The following MAF variants were observed in gnomAD, a reference collection of about 807,000 sequenced individuals.
MAF encodes the protein MAF bZIP transcription factor, also known as transcription factor Maf.
A neutral mutation model predicts 22.0 loss-of-function variants in MAF; 10 were observed. The observed-to-expected ratio is 0.45, with a 90% confidence interval of 0.28 to 0.77. The LOEUF (loss-of-function observed/expected upper bound fraction) is 0.77. MAF is among the 30% of genes least tolerant of loss of function. The pLI is 0.12. For synonymous variants in MAF, 337 were observed against 255.8 expected, an observed-to-expected ratio of 1.32 and a Z score of -3.03; for missense variants, 544 against 548.4, an observed-to-expected ratio of 0.99 and a Z score of 0.08.
the MAF span, among the ~76,000 whole-genome samples, chr16:79,428,953 G>T: frequency 5.3e-5 from 8 of 152,220 alleles, no homozygotes; most frequent in African/African-American, 1.9e-4. Flanking sequence ...TCCGGTGATG[G>T]ACAGGGCAAC....
chr16:79,383,836 T>C, the MAF span, among the ~76,000 whole-genome samples: 1 of 152,134 alleles, frequency 6.6e-6, no homozygotes, highest in Non-Finnish European at 1.5e-5. Flanking sequence ...AGCCTTATAG[T>C]TTAAAAGGAT....
chr16:79,321,645 CTTTTTTTTTTTTTTT>C, the MAF span, among the ~76,000 whole-genome samples: 90 of 86,974 alleles, frequency 1.0e-3, no homozygotes, highest in African/African-American at 3.4e-3. Context: ...TTTTCTTTTT[CTTTTTTTTTTTTTTT>C]TTTTTTTTGA....
chr16:79,240,486 GGAAAAAAAAAAAAAAAAAAA>G, the MAF span, among the ~76,000 whole-genome samples: 1 of 43,930 alleles, frequency 2.3e-5, no homozygotes, highest in African/African-American at 7.4e-5. Flanking sequence ...AAGCATCTCT[GGAAAAAAAAAAAAAAAAAAA>G]AAAAAAAAAA....
At chr16:79,283,281 AG>A in the MAF span, among the ~76,000 whole-genome samples, 1 of 152,210 alleles carries the variant, frequency 6.6e-6, no homozygotes, top group Non-Finnish European at 1.5e-5. Context: ...TTTCTAGAAA[AG>A]CACGCCATGT....
At chr16:79,264,779 C>T in the MAF span, among the ~76,000 whole-genome samples, 6 of 152,314 alleles carry the variant, frequency 3.9e-5, no homozygotes, top group South Asian at 1.2e-3. Context: ...CCACCTCACC[C>T]CACCAGTTTC....
the MAF span, among the ~76,000 whole-genome samples, chr16:79,217,986 T>TAAAAAAAAAAAAA: frequency 5.8e-5 from 3 of 52,124 alleles, no homozygotes; most frequent in Non-Finnish European, 9.8e-5. Context: ...GAAGCTTATG[T>TAAAAAAAAAAAAA]AAAAAAAAAA....
At chr16:79,405,962 G>C in the MAF span, among the ~76,000 whole-genome samples, 2 of 152,124 alleles carry the variant, frequency 1.3e-5, no homozygotes, top group Non-Finnish European at 2.9e-5. Flanking sequence ...GGCTTCTTTG[G>C]CTGCAGAAGC....
At chr16:79,215,040 C>T in the MAF span, among the ~76,000 whole-genome samples, 1 of 152,238 alleles carries the variant, frequency 6.6e-6, no homozygotes, top group East Asian at 1.9e-4. Flanking sequence ...TGACTACAGT[C>T]TTGCCAGTTC....
chr16:79,281,215 T>C, the MAF span, among the ~76,000 whole-genome samples: 1 of 100,046 alleles, frequency 1.0e-5, no homozygotes, highest in Admixed American at 9.3e-5. Context: ...TAACCAATAG[T>C]TTCAATATGA....
the MAF span, among the ~76,000 whole-genome samples, chr16:79,287,196 C>G: frequency 1.3e-5 from 2 of 151,870 alleles, no homozygotes; most frequent in Admixed American, 6.6e-5. Flanking sequence ...GCATTGCAGC[C>G]CATATTCCAC....
the MAF span, among the ~76,000 whole-genome samples, chr16:79,464,213 C>A: frequency 2.0e-3 from 300 of 152,262 alleles, 1 homozygote; most frequent in Non-Finnish European, 1.2e-3. Flanking sequence ...GAGTACAGGG[C>A]TTTTGCAGAC....
At chr16:79,598,444 G>C (rs1156412276) in intron 1 of MAF, 1 of 1,239,262 alleles carries the variant, frequency 8.1e-7, no homozygotes, top group East Asian at 3.6e-5. Context: ...CGGGGGTGGG[G>C]CGGGGGGGTG....
At chr16:79,285,033 C>T in the MAF span, among the ~76,000 whole-genome samples, 80 of 152,192 alleles carry the variant, frequency 5.3e-4, no homozygotes, top group Non-Finnish European at 1.1e-3. Context: ...AAACTCAGTG[C>T]TGAAAATAGT....
downstream of MAF, among the ~76,000 whole-genome samples, chr16:79,584,093 C>T (rs1004395980): frequency 6.6e-6 from 1 of 152,006 alleles, no homozygotes; most frequent in African/African-American, 2.4e-5. Flanking sequence ...ATAATATAAT[C>T]TAGAATGCTT....
chr16:79,424,429 C>T, the MAF span, among the ~76,000 whole-genome samples: 1 of 152,162 alleles, frequency 6.6e-6, no homozygotes, highest in Non-Finnish European at 1.5e-5. Context: ...TGCATTATGG[C>T]TTCTGCGGGC....
chr16:79,456,645 C>G, the MAF span, among the ~76,000 whole-genome samples: 1 of 152,150 alleles, frequency 6.6e-6, no homozygotes, highest in South Asian at 2.1e-4. Flanking sequence ...TGTAAGCTAA[C>G]AGATGACAGA....
At chr16:79,466,473 C>G in the MAF span, among the ~76,000 whole-genome samples, 1 of 152,096 alleles carries the variant, frequency 6.6e-6, no homozygotes, top group African/African-American at 2.4e-5. Flanking sequence ...AGTAGCAGTC[C>G]TGGGATTAAA....
the MAF span, among the ~76,000 whole-genome samples, chr16:79,270,124 G>A: frequency 6.6e-6 from 1 of 152,022 alleles, no homozygotes; most frequent in Non-Finnish European, 1.5e-5. Flanking sequence ...GAAGGGCCTA[G>A]AAGATCAGGG....
chr16:79,307,344 G>A, the MAF span, among the ~76,000 whole-genome samples: 7 of 152,216 alleles, frequency 4.6e-5, no homozygotes, highest in African/African-American at 1.4e-4. Flanking sequence ...GGTCCCAGAC[G>A]TGGTTGGTCC....
Sources: gnomAD v4.1 joint callset for allele counts (sites outside exome capture counted in the v4.1 genomes callset) on GRCh38, gnomAD v4.1.1 for gene constraint, MANE v1.5 for transcripts, NCBI Gene and HGNC (gene_info 2026-07-23, HGNC 2026-07-21) for gene names.